BAIAP2L1: variants seen among roughly 807,000 people sequenced by gnomAD.
BAIAP2L1 encodes BAR/IMD domain-containing adapter protein 2-like 1.
In BAIAP2L1, 35 loss-of-function variants were observed where a neutral mutation model predicts 66.3. The observed-to-expected ratio is 0.53, with a 90% CI of 0.40 to 0.70. BAIAP2L1 has a LOEUF of 0.70. Ranked by LOEUF, BAIAP2L1 falls within the 30% of genes least tolerant of loss-of-function variation. The probability of loss-of-function intolerance (pLI) is 0.00; values close to 1 mark genes in which losing one functional copy is unlikely to be tolerated. For synonymous variants in BAIAP2L1, 269 were observed against 248.7 expected (o/e 1.08, Z -0.77); for missense variants, 622 against 656.9 (o/e 0.95, Z 0.58).
At chr7:98,319,808 C>CTTT (rs1396098490) in intron 5 of BAIAP2L1, among the ~76,000 whole-genome samples, 3 of 152,184 alleles carry the variant, frequency 2.0e-5, no homozygotes, top group Non-Finnish European at 2.9e-5. Flanking sequence ...GCCTTGGCCT[C>CTTT]CCAAAGTGCT....
At chr7:98,316,736 G>A (rs1262419988) in intron 6 of BAIAP2L1, among the ~76,000 whole-genome samples, 1 of 151,998 alleles carries the variant, frequency 6.6e-6, no homozygotes, top group Non-Finnish European at 1.5e-5. Context: ...TTATCCAATT[G>A]TATGTTTGGA....
At chr7:98,296,943 C>A (rs1202474089) in intron 12 of BAIAP2L1, among the ~76,000 whole-genome samples, 1 of 152,228 alleles carries the variant, frequency 6.6e-6, no homozygotes, top group Non-Finnish European at 1.5e-5. Context: ...TGAACATAGA[C>A]CTGCCCTCCT....
At chr7:98,390,077 G>A (rs532570196) in intron 1 of BAIAP2L1, among the ~76,000 whole-genome samples, 12 of 151,800 alleles carry the variant, frequency 7.9e-5, no homozygotes, top group Admixed American at 2.6e-4. Context: ...CACCGCACCC[G>A]GCTAATTTTG....
Position 98,315,625 on chromosome 7 carries a change from A to AAAAAAAT in BAIAP2L1, c.487-14_487-13insATTTTTT, listed in dbSNP as rs1554412623. 5.2e-4 allele frequency: 591 copies of AAAAAAAT among 1,131,204 alleles called. 2 individuals carry two copies. The African/African-American group carries it at 8.9e-3, about 17-fold the overall frequency. The allele number at this position is 1,131,204 out of a possible 1,614,324, so 70.1% of individuals were successfully genotyped here. On this transcript the variant is annotated splice_polypyrimidine_tract_variant and intron_variant, in intron 6 of 13. Transcript: ENST00000005260. ...CGGTCTCCACATACTAAAAAAAAAAAAATAATAATAATAATAATTATATAA... is the reference window on the plus strand; with the variant it reads ...CGGTCTCCACATACTAAAAAAAAAAAAAAAAATAATAATAATAATAATAATTATATAA...
At chr7:98,350,538 A>G (rs1801977655) in intron 3 of BAIAP2L1, among the ~76,000 whole-genome samples, 1 of 152,182 alleles carries the variant, frequency 6.6e-6, no homozygotes, top group Admixed American at 6.5e-5. Flanking sequence ...GTGCACCTGT[A>G]GTCGCAGCTA....
chr7:98,372,236 T>A (rs1186843468), intron 1 of BAIAP2L1, among the ~76,000 whole-genome samples: 1 of 151,966 alleles, frequency 6.6e-6, no homozygotes, highest in Admixed American at 6.6e-5. Flanking sequence ...TGAAACCCCC[T>A]CCCTACTAAA....
At chr7:98,367,289 ACAG>A (rs1802407589) in intron 1 of BAIAP2L1, among the ~76,000 whole-genome samples, 1 of 152,214 alleles carries the variant, frequency 6.6e-6, no homozygotes, top group Admixed American at 6.5e-5. Flanking sequence ...TGTCACTGCT[ACAG>A]TTCTATTAAC....
At chr7:98,315,329 T>G in intron 7 of BAIAP2L1, 131 bp downstream of exon 7, 1 of 799,824 alleles carries the variant, frequency 1.3e-6, no homozygotes, top group Non-Finnish European at 1.7e-6. Flanking sequence ...AGTTTTGCCA[T>G]GTTGCCCAGG....
chr7:98,354,075 G>A (rs1802067202), intron 3 of BAIAP2L1, among the ~76,000 whole-genome samples: 1 of 152,100 alleles, frequency 6.6e-6, no homozygotes, highest in Non-Finnish European at 1.5e-5. Context: ...ATCACTTCCA[G>A]CATATGGTCT....
Position 98,394,261 on chromosome 7 carries a change from A to ACAAACAAACAAAC in BAIAP2L1, c.51+6540_51+6541insGTTTGTTTGTTTG, listed in dbSNP as rs1562796517. On this transcript the variant is annotated intron_variant, in intron 1 of 13. Coordinates refer to ENST00000005260, the MANE Select transcript of BAIAP2L1 (RefSeq NM_018842.5). ...GTCTCAAAAACAAACAAACAAACAAAAAAACCCACACATAAAACAAACAAA... is the reference window on the plus strand; with the variant it reads ...GTCTCAAAAACAAACAAACAAACAAACAAACAAACAAACAAAACCCACACATAAAACAAACAAA... Among the ~76,000 whole-genome samples, 693 of 151,924 alleles carry ACAAACAAACAAAC rather than the reference A, an allele frequency of 4.6e-3. 2 individuals carry two copies. The highest frequency in any genetic ancestry group is 0.011 in the African/African-American group (467 of 41,466).
At chr7:98,294,310 A>G (rs1450514990) in intron 12 of BAIAP2L1, among the ~76,000 whole-genome samples, 199 bp from the exon 13 acceptor site, 1 of 152,184 alleles carries the variant, frequency 6.6e-6, no homozygotes, top group South Asian at 2.1e-4. Flanking sequence ...GAGATTTTTA[A>G]TAAGACCCGA....
At chr7:98,361,584 G>A (rs142853644) in intron 2 of BAIAP2L1, among the ~76,000 whole-genome samples, 5 of 152,164 alleles carry the variant, frequency 3.3e-5, no homozygotes, top group East Asian at 1.9e-4. Flanking sequence ...GATTGCTAGC[G>A]TTTTTAAGGT....
intron 3 of BAIAP2L1, among the ~76,000 whole-genome samples, chr7:98,340,290 A>G (rs898984763): frequency 1.3e-5 from 2 of 151,792 alleles, no homozygotes; most frequent in African/African-American, 4.8e-5. Context: ...AGTAATATTT[A>G]TTTCTTTATT....
chr7:98,326,815 A>G (rs1236110368), intron 3 of BAIAP2L1, among the ~76,000 whole-genome samples: 1 of 152,190 alleles, frequency 6.6e-6, no homozygotes, highest in Admixed American at 6.5e-5. Flanking sequence ...TTGACAAGGA[A>G]AGAGAGGTTT....
intron 3 of BAIAP2L1, among the ~76,000 whole-genome samples, chr7:98,343,514 T>G (rs1433685569): frequency 6.6e-6 from 1 of 152,134 alleles, no homozygotes; most frequent in Non-Finnish European, 1.5e-5. Flanking sequence ...AAACCCTGAC[T>G]ACTGATCTCT....
chr7:98,343,000 A>C (rs1255793017), intron 3 of BAIAP2L1, among the ~76,000 whole-genome samples: 1 of 151,860 alleles, frequency 6.6e-6, no homozygotes, highest in South Asian at 2.1e-4. Flanking sequence ...AAAGGATTTA[A>C]CTTTATCACA....
At chr7:98,342,779 C>A (rs534081739) in intron 3 of BAIAP2L1, among the ~76,000 whole-genome samples, 10 of 152,230 alleles carry the variant, frequency 6.6e-5, no homozygotes, top group African/African-American at 2.2e-4. Flanking sequence ...AAGATTTTGG[C>A]AAAACATTTT....
intron 11 of BAIAP2L1, among the ~76,000 whole-genome samples, chr7:98,305,202 T>C (rs1329510558): frequency 6.6e-6 from 1 of 151,636 alleles, no homozygotes; most frequent in Non-Finnish European, 1.5e-5. Flanking sequence ...AAAAATTATT[T>C]AAAAGACATG....
intron 3 of BAIAP2L1, among the ~76,000 whole-genome samples, chr7:98,324,829 A>G (rs1055337853): frequency 6.6e-6 from 1 of 152,252 alleles, no homozygotes; most frequent in East Asian, 1.9e-4. Context: ...ATCAGTTCAC[A>G]GTACAAATTT....
Sources: gnomAD v4.1 joint callset for allele counts (sites outside exome capture counted in the v4.1 genomes callset) on GRCh38, gnomAD v4.1.1 for gene constraint, MANE v1.5 for transcripts, NCBI Gene and HGNC (gene_info 2026-07-23, HGNC 2026-07-21) for gene names.